The following ERICH1 variants were observed in gnomAD, a reference collection of about 807,000 sequenced individuals.
ERICH1 encodes the protein glutamate-rich protein 1.
A neutral mutation model predicts 39.6 loss-of-function variants in ERICH1; 56 were observed. The observed-to-expected ratio is 1.41, with a 90% CI of 1.14 to 1.77. The LOEUF is 1.77. Among genes scored for constraint, ERICH1 ranks in the 40% most tolerant of loss-of-function variants. The pLI is 0.00. For missense variants in ERICH1, 826 were observed against 575.4 expected (o/e 1.44, Z -4.45); for synonymous variants, 313 against 223.6 (o/e 1.40, Z -3.57).
intron 3 of ERICH1, chr8:615,691 C>T (rs1267547044): frequency 6.2e-6 from 1 of 160,024 alleles, no homozygotes; most frequent in Non-Finnish European, 1.4e-5. Flanking sequence ...CTAGTCTAAA[C>T]AGGAAAGACA....
At chr8:627,657 G>A (rs775136452) in intron 3 of ERICH1, among the ~76,000 whole-genome samples, 8 of 152,184 alleles carry the variant, frequency 5.3e-5, no homozygotes, top group South Asian at 2.1e-4. Context: ...GTGCCTCCCT[G>A]CACCACCTGA....
At chr8:661,347 G>A (rs532909932), downstream of ERICH1, among the ~76,000 whole-genome samples, 15 of 152,258 alleles carry the variant, frequency 9.9e-5, no homozygotes, top group African/African-American at 2.9e-4. Context: ...CTGGGCCTGG[G>A]AAACAAATTA....
chr8:708,681 G>GTTTTTTGTTTTTTTTTTTTTT lies in ERICH1; in HGVS notation c.169+7179_169+7180insAAAAAAAAAAAAAACAAAAAA. On this transcript the variant is annotated intron_variant, in intron 2 of 5. Transcript: ENST00000262109. ...GGGCTGAGTGGTTACGGGATAATGA[G>GTTTTTTGTTTTTTTTTTTTTT]TTTTTTTTTTTTTTTTTTTTTTTTT... is the stretch of plus-strand genomic sequence containing the variant. Among the ~76,000 whole-genome samples the GTTTTTTGTTTTTTTTTTTTTT allele has an allele frequency of 7.3e-4, 48 of 65,770 alleles. 5 individuals are homozygous for GTTTTTTGTTTTTTTTTTTTTT. Among genetic ancestry groups the GTTTTTTGTTTTTTTTTTTTTT allele is most frequent in the Non-Finnish European group, 9.5e-4 (32 of 33,642 alleles). The allele number at this position is 65,770 out of a possible 152,430, so 43.1% of individuals were successfully genotyped here.
At chr8:678,293 G>C (rs76827972) in intron 3 of ERICH1, among the ~76,000 whole-genome samples, 1 of 152,140 alleles carries the variant, frequency 6.6e-6, no homozygotes, top group Admixed American at 6.5e-5. Flanking sequence ...TGAAAATCCA[G>C]CATCGGGAAC....
intron 3 of ERICH1, among the ~76,000 whole-genome samples, chr8:635,377 G>T (rs1798345901): frequency 6.6e-6 from 1 of 152,222 alleles, no homozygotes; most frequent in Admixed American, 6.5e-5. Context: ...ACCAGCCTGA[G>T]CTTCCCTCCA....
intron 1 of ERICH1, 37 bp from the exon 2 acceptor site, chr8:716,044 G>A: frequency 1.9e-6 from 3 of 1,565,324 alleles, no homozygotes; most frequent in Non-Finnish European, 2.6e-6. Context: ...AGGAGGAAAA[G>A]GAATGAATTA....
intron 3 of ERICH1, among the ~76,000 whole-genome samples, chr8:623,093 T>G (rs566455610): frequency 1.3e-5 from 2 of 152,250 alleles, no homozygotes; most frequent in South Asian, 2.1e-4. Context: ...TGACGAGAGA[T>G]AAAACAGGCA....
intron 3 of ERICH1, among the ~76,000 whole-genome samples, chr8:690,246 CCA>C (rs2132047841): frequency 6.6e-6 from 1 of 152,314 alleles, no homozygotes; most frequent in East Asian, 1.9e-4. Flanking sequence ...CCAAAAGCAC[CCA>C]CAGTCTGTGC....
intron 2 of ERICH1, among the ~76,000 whole-genome samples, chr8:711,255 T>C (rs1406845336): frequency 6.6e-6 from 1 of 152,184 alleles, no homozygotes; most frequent in African/African-American, 2.4e-5. Context: ...CTTTTGAAAA[T>C]ATTTTCTCTA....
intron 5 of ERICH1, chr8:668,380 G>C (rs1802608280): frequency 1.5e-5 from 9 of 584,474 alleles, no homozygotes; most frequent in South Asian, 1.5e-4. Context: ...CGGAAACTTA[G>C]ACTGCACATG....
At chr8:710,437 G>A (rs1417322874) in intron 2 of ERICH1, among the ~76,000 whole-genome samples, 1 of 130,606 alleles carries the variant, frequency 7.7e-6, no homozygotes, top group African/African-American at 3.0e-5. Context: ...CGTACGGGGC[G>A]GTTTCACTGT....
chr8:723,811 C>A (rs1817915557), intron 1 of ERICH1, among the ~76,000 whole-genome samples: 1 of 152,092 alleles, frequency 6.6e-6, no homozygotes, highest in Admixed American at 6.5e-5. Context: ...ATGATAATCA[C>A]TGTGGGATTT....
In ERICH1 at chr8:652,882, A is replaced by G. The variant is rs76460197; in HGVS notation, c.976+15716T>C. ...ACCACTAATCAGCAAGGAAATGCAA[A>G]TCAAAACCACGAGGTGCTGCTTCAT... On this transcript the variant is annotated intron_variant, in intron 3 of 3. Transcript: ENST00000522706. Among the ~76,000 whole-genome samples, 1,192 of 152,366 alleles carry G rather than the reference A, an allele frequency of 7.8e-3. 3 individuals carry two copies. Among genetic ancestry groups the G allele is most frequent in the Middle Eastern group, 0.017 (5 of 294 alleles).
intron 2 of ERICH1, among the ~76,000 whole-genome samples, chr8:712,897 C>T (rs532558883): frequency 6.6e-5 from 10 of 152,292 alleles, no homozygotes; most frequent in South Asian, 4.1e-4. Context: ...ATTGAAAAAG[C>T]AAGAAAATTT....
chr8:666,646 C>T (rs2280001), intron 5 of ERICH1: 18,522 of 152,580 alleles, frequency 0.12, 1,538 homozygotes, highest in East Asian at 0.38. Flanking sequence ...GATCTCTCTC[C>T]TCCCTGCACT....
intron 1 of ERICH1, among the ~76,000 whole-genome samples, chr8:726,485 C>T (rs1186818923): frequency 6.6e-6 from 1 of 151,836 alleles, no homozygotes; most frequent in African/African-American, 2.4e-5. Context: ...CACACACAGG[C>T]ACACATGCAT....
intron 2 of ERICH1, among the ~76,000 whole-genome samples, chr8:693,307 T>A (rs1374085464): frequency 6.6e-6 from 1 of 152,236 alleles, no homozygotes; most frequent in African/African-American, 2.4e-5. Flanking sequence ...TTTATTATTA[T>A]ACACATATAA....
intron 3 of ERICH1, among the ~76,000 whole-genome samples, chr8:685,574 G>A (rs1303440557): frequency 1.3e-5 from 2 of 152,196 alleles, no homozygotes; most frequent in Non-Finnish European, 2.9e-5. Flanking sequence ...TATGTTCAGA[G>A]ATTGCAATAA....
At chr8:634,062 A>G (rs1798225920) in intron 3 of ERICH1, among the ~76,000 whole-genome samples, 1 of 152,062 alleles carries the variant, frequency 6.6e-6, no homozygotes, top group Admixed American at 6.5e-5. Flanking sequence ...CGTCCATCAA[A>G]TGACATTAAG....
Sources: allele counts gnomAD v4.1 joint callset (sites outside exome capture counted in the v4.1 genomes callset), GRCh38; gene constraint gnomAD v4.1.1; transcripts MANE v1.5; gene names NCBI Gene and HGNC (gene_info 2026-07-23, HGNC 2026-07-21).